CHD1L: variants seen among roughly 807,000 people sequenced by gnomAD.
CHD1L encodes the protein chromodomain helicase DNA binding protein 1 like, also known as ATP-dependent chromatin remodeler CHD1L.
Under a neutral mutation model 115.9 loss-of-function variants are expected in CHD1L, and 118 were observed. That is an observed-to-expected ratio of 1.02 (90% CI 0.88 to 1.19). The LOEUF is 1.19. CHD1L is among the 50% of genes most tolerant of loss of function. CHD1L has a pLI of 0.00. For missense variants in CHD1L, 1,179 were observed against 1,065.3 expected (o/e 1.11, Z -1.49); for synonymous variants, 411 against 387.1 (o/e 1.06, Z -0.72).
intron 15 of CHD1L, among the ~76,000 whole-genome samples, chr1:147,281,440 G>C (rs996790381): frequency 6.6e-6 from 1 of 152,140 alleles, no homozygotes; most frequent in Admixed American, 6.5e-5. Flanking sequence ...TCCTAATGTA[G>C]TAGGCATGGA....
At chr1:147,191,998 T>C in the CHD1L span, among the ~76,000 whole-genome samples, 8 of 152,138 alleles carry the variant, frequency 5.3e-5, no homozygotes, top group Non-Finnish European at 1.0e-4. Flanking sequence ...ATGCGGGCTC[T>C]TTTTTGGTTC....
chr1:147,224,970 C>T, the CHD1L span: 1 of 1,613,990 alleles, frequency 6.2e-7, no homozygotes, highest in South Asian at 1.1e-5. Context: ...CTACGCAGCA[C>T]TTGATGGAAG....
At chr1:147,265,869 T>C (rs1673689741) in intron 7 of CHD1L, 63 bp from the exon 8 acceptor site, 6 of 1,468,400 alleles carry the variant, frequency 4.1e-6, no homozygotes, top group Admixed American at 2.2e-5. Context: ...TTAAGTTCTC[T>C]AGGGTTCATT....
At position 147,275,963 on chromosome 1, in the gene CHD1L, A is replaced by G. The variant is rs1415102500; in HGVS notation, c.1386-141A>G. 3.8e-6 allele frequency: 3 copies of G among 786,856 alleles called. No homozygotes were observed. In the African/African-American group the frequency reaches 5.2e-5, roughly 14 times the overall value. 48.7% of individuals were successfully genotyped at this position (786,856 alleles called of 1,614,324 possible). On this transcript the variant is annotated intron_variant, in intron 13 of 22. Transcript: ENST00000369258. ...GAGTTCTCTCTAACAAGTGCTCAGG[A>G]CCAAATGAACCAATCTCCCTTTCAT...
chr1:147,203,353 T>C, the CHD1L span: 4 of 1,344,610 alleles, frequency 3.0e-6, no homozygotes, highest in Non-Finnish European at 4.3e-6. Context: ...CATGATTACC[T>C]GACCCACTCT....
intron 1 of CHD1L, among the ~76,000 whole-genome samples, chr1:147,244,246 T>C (rs371482144): frequency 1.2e-3 from 176 of 152,232 alleles, no homozygotes; most frequent in African/African-American, 4.0e-3. Context: ...AGTGTTTTAG[T>C]GAAAATGAGG....
chr1:147,222,403 G>T, the CHD1L span, among the ~76,000 whole-genome samples: 1 of 152,046 alleles, frequency 6.6e-6, no homozygotes, highest in Non-Finnish European at 1.5e-5. Flanking sequence ...GATGGAAGTT[G>T]GGGAAATTGG....
intron 13 of CHD1L, 152 bp downstream of exon 13, chr1:147,275,620 A>G (rs1678100087): frequency 1.6e-6 from 1 of 614,440 alleles, no homozygotes; most frequent in South Asian, 2.0e-5. Context: ...CTAGGGTAGT[A>G]TTGGGTGGGT....
the CHD1L span, among the ~76,000 whole-genome samples, chr1:147,194,472 C>G: frequency 6.6e-6 from 1 of 152,118 alleles, no homozygotes; most frequent in East Asian, 1.9e-4. Flanking sequence ...ATTTGCCAGT[C>G]TGTGTATTTT....
intron 9 of CHD1L, 139 bp from the exon 10 acceptor site, chr1:147,268,643 T>C (rs587663208): frequency 3.3e-6 from 2 of 606,770 alleles, no homozygotes; most frequent in South Asian, 3.8e-5. Flanking sequence ...GGCTGTGTAA[T>C]TGGTGTTAAG....
At chr1:147,266,618 A>G (rs1271873191) in intron 8 of CHD1L, among the ~76,000 whole-genome samples, 9 of 152,224 alleles carry the variant, frequency 5.9e-5, no homozygotes, top group Admixed American at 2.6e-4. Context: ...CATCAGTCCA[A>G]TAGTCATGGT....
intron 19 of CHD1L, among the ~76,000 whole-genome samples, chr1:147,290,044 C>G (rs1242344389): frequency 6.6e-6 from 1 of 152,176 alleles, no homozygotes; most frequent in Non-Finnish European, 1.5e-5. Flanking sequence ...TGGTATCAAC[C>G]TAACCAATAG....
intron 12 of CHD1L, among the ~76,000 whole-genome samples, chr1:147,273,461 T>A (rs1191719197): frequency 3.3e-5 from 5 of 152,126 alleles, no homozygotes; most frequent in Non-Finnish European, 7.4e-5. Flanking sequence ...GTTTGTTTTA[T>A]CTCCCTAATA....
chr1:147,177,671 T>C, the CHD1L span, among the ~76,000 whole-genome samples: 1 of 152,166 alleles, frequency 6.6e-6, no homozygotes, highest in Admixed American at 6.5e-5. Flanking sequence ...AGCCTAATCA[T>C]GAAGAAATAT....
intron 1 of CHD1L, among the ~76,000 whole-genome samples, chr1:147,245,375 T>C (rs72691016): frequency 0.21 from 31,936 of 152,150 alleles, 3,525 homozygotes; most frequent in Middle Eastern, 0.28. Context: ...TTTGTTATCA[T>C]GGATTGTGGC....
At chr1:147,248,500 G>C (rs912155546) in intron 1 of CHD1L, among the ~76,000 whole-genome samples, 3 of 152,114 alleles carry the variant, frequency 2.0e-5, no homozygotes, top group Non-Finnish European at 2.9e-5. Context: ...GAGCCACTGT[G>C]CCCAGCCAAG....
chr1:147,259,163 C>CA (rs1226776085), intron 5 of CHD1L: 6 of 152,182 alleles, frequency 3.9e-5, no homozygotes, highest in Non-Finnish European at 7.3e-5. Flanking sequence ...TAGTATCTGT[C>CA]AAAGTATTTG....
chr1:147,196,229 C>T, the CHD1L span, among the ~76,000 whole-genome samples: 3 of 152,142 alleles, frequency 2.0e-5, no homozygotes, highest in Non-Finnish European at 4.4e-5. Context: ...TCATCACTCT[C>T]AAATAGCCTT....
At chr1:147,222,571 T>C in the CHD1L span, among the ~76,000 whole-genome samples, 1 of 152,180 alleles carries the variant, frequency 6.6e-6, no homozygotes, top group Non-Finnish European at 1.5e-5. Flanking sequence ...TGGAATCATC[T>C]GGGGAGCTTT....
Sources: allele counts gnomAD v4.1 joint callset (sites outside exome capture counted in the v4.1 genomes callset), GRCh38; gene constraint gnomAD v4.1.1; transcripts MANE v1.5; gene names NCBI Gene and HGNC (gene_info 2026-07-23, HGNC 2026-07-21).